The following SGCZ variants were observed in gnomAD, a reference collection of about 807,000 sequenced individuals.
SGCZ encodes zeta-sarcoglycan.
Under a neutral mutation model 41.3 loss-of-function variants are expected in SGCZ, and 40 were observed. The observed-to-expected ratio is 0.97, with a 90% confidence interval of 0.75 to 1.26. SGCZ has a LOEUF of 1.26. Among genes scored for constraint, SGCZ ranks in the 50% most tolerant of loss-of-function variants. The pLI is 0.00. For synonymous variants in SGCZ, 206 were observed against 137.5 expected, an observed-to-expected ratio of 1.50 and a Z score of -3.49; for missense variants, 552 against 369.8, an observed-to-expected ratio of 1.49 and a Z score of -4.04.
chr8:14,732,454 G>A (rs1444548754), intron 1 of SGCZ, among the ~76,000 whole-genome samples: 2 of 152,146 alleles, frequency 1.3e-5, no homozygotes, highest in African/African-American at 4.8e-5. Flanking sequence ...AAAAGAGAGT[G>A]GTGGGGAAAA....
At chr8:14,646,535 C>A (rs908262236) in intron 1 of SGCZ, among the ~76,000 whole-genome samples, 2 of 151,824 alleles carry the variant, frequency 1.3e-5, no homozygotes, top group African/African-American at 4.8e-5. Flanking sequence ...GAACATGTCT[C>A]CTTTGGTAGG....
At chr8:15,044,207 A>G (rs1445152916) in intron 1 of SGCZ, among the ~76,000 whole-genome samples, 1 of 152,166 alleles carries the variant, frequency 6.6e-6, no homozygotes, top group Non-Finnish European at 1.5e-5. Flanking sequence ...ATAGGCTACA[A>G]AACCTCACAC....
At chr8:14,264,306 T>A (rs967810253) in intron 3 of SGCZ, among the ~76,000 whole-genome samples, 1 of 152,086 alleles carries the variant, frequency 6.6e-6, no homozygotes, top group Non-Finnish European at 1.5e-5. Flanking sequence ...AAAGAAAACA[T>A]AGCCTTGGAG....
intron 1 of SGCZ, among the ~76,000 whole-genome samples, chr8:15,133,396 C>T (rs970828889): frequency 1.3e-5 from 2 of 152,130 alleles, no homozygotes; most frequent in African/African-American, 4.8e-5. Context: ...CAATATCCTC[C>T]CTATCTCTAC....
intron 1 of SGCZ, among the ~76,000 whole-genome samples, chr8:14,855,085 G>A (rs1803495778): frequency 6.6e-6 from 1 of 151,694 alleles, no homozygotes; most frequent in Admixed American, 6.6e-5. Flanking sequence ...ACGGAGTCTT[G>A]CTCTGTCACC....
At chr8:15,053,382 C>T (rs535191901) in intron 1 of SGCZ, among the ~76,000 whole-genome samples, 19 of 152,142 alleles carry the variant, frequency 1.2e-4, no homozygotes, top group African/African-American at 4.6e-4. Context: ...GACTTAGTTT[C>T]CTCTCCTCTT....
intron 4 of SGCZ, among the ~76,000 whole-genome samples, chr8:14,208,413 A>C (rs1027791507): frequency 6.6e-6 from 1 of 152,202 alleles, no homozygotes; most frequent in Non-Finnish European, 1.5e-5. Context: ...AAACATCCCA[A>C]ATGGAAGGTT....
At chr8:14,983,759 A>T (rs975003588) in intron 1 of SGCZ, among the ~76,000 whole-genome samples, 1 of 152,168 alleles carries the variant, frequency 6.6e-6, no homozygotes, top group African/African-American at 2.4e-5. Flanking sequence ...AAAACTAGAC[A>T]AGTAGCAAAG....
chr8:14,842,660 T>C (rs1802964903), intron 1 of SGCZ, among the ~76,000 whole-genome samples: 1 of 152,172 alleles, frequency 6.6e-6, no homozygotes, highest in African/African-American at 2.4e-5. Context: ...ATTGTTTTTA[T>C]CTTTATGTAA....
rs1803984151 is a variant in SGCZ at position 14,554,873 on chromosome 8, A to T, written c.93T>A (p.Thr31=). ...CCACTGGGTAAAGTTGTGCATTCTC[A>T]GTCCTTGGCAGGTTATTCTGTTGGG... is the stretch of plus-strand genomic sequence containing the variant. ...LATQQNNLPR[T]ENAQLYPVGI... Residue 31 remains threonine, a synonymous_variant, in exon 2 of 8, where the codon ACT becomes ACA. Transcript: ENST00000382080. The T allele has an allele frequency of 6.2e-7, 1 of 1,613,190 alleles. No homozygotes were observed. Among genetic ancestry groups the T allele is most frequent in the South Asian group, 1.1e-5 (1 of 91,044 alleles).
At chr8:14,708,603 A>T (rs1311567009) in intron 1 of SGCZ, among the ~76,000 whole-genome samples, 1 of 152,142 alleles carries the variant, frequency 6.6e-6, no homozygotes, top group Non-Finnish European at 1.5e-5. Context: ...GGCTCTCAGG[A>T]ATCAAACAGA....
intron 1 of SGCZ, among the ~76,000 whole-genome samples, chr8:14,784,913 A>AAAAAAAAAAAAAATAT (rs1408574493): frequency 1.1e-5 from 1 of 88,038 alleles, no homozygotes; most frequent in Non-Finnish European, 2.1e-5. Flanking sequence ...AAAAAAAAAA[A>AAAAAAAAAAAAAATAT]ATATATATAT....
chr8:14,260,926 A>G (rs1485083889), intron 3 of SGCZ, among the ~76,000 whole-genome samples: 1 of 152,164 alleles, frequency 6.6e-6, no homozygotes, highest in Admixed American at 6.5e-5. Flanking sequence ...GAAGGGGAAT[A>G]TCACACTCCA....
At chr8:14,483,305 C>T (rs11203615) in intron 2 of SGCZ, among the ~76,000 whole-genome samples, 137,733 of 152,252 alleles carry the variant, frequency 0.9, 63,658 homozygotes, top group East Asian at 1. Flanking sequence ...TGCAATGGTT[C>T]ATACTTGTAA....
chr8:14,106,381 C>G (rs1422243794), intron 6 of SGCZ, among the ~76,000 whole-genome samples: 1 of 152,196 alleles, frequency 6.6e-6, no homozygotes, highest in African/African-American at 2.4e-5. Flanking sequence ...ACTGCTGAAT[C>G]CCTAGGGTTT....
intron 5 of SGCZ, among the ~76,000 whole-genome samples, chr8:14,157,458 G>A (rs1803913005): frequency 6.7e-6 from 1 of 150,244 alleles, no homozygotes; most frequent in Admixed American, 6.7e-5. Flanking sequence ...CCCCATCATT[G>A]AGCATTTTTC....
Position 14,360,472 on chromosome 8 carries a change from C to T in SGCZ, c.235-36268G>A, listed in dbSNP as rs529380240. 9.2e-5 allele frequency among the ~76,000 whole-genome samples: 14 copies of T among 151,954 alleles called. 1 individual carries two copies. The South Asian group carries it at 1.5e-3, about 16-fold the overall frequency. Reference sequence around the variant, plus strand: ...TCCTGAGCAGCTGGGATTACAGGCACGCATCACCACACCCAGCTAATTTCT... The same window carrying T: ...TCCTGAGCAGCTGGGATTACAGGCATGCATCACCACACCCAGCTAATTTCT... On this transcript the variant is annotated intron_variant, in intron 2 of 7. Transcript: ENST00000382080.
Position 14,693,305 on chromosome 8 carries a change from T to TC in SGCZ, c.40-138380dup, listed in dbSNP as rs1554481943. Among the ~76,000 whole-genome samples the TC allele has an allele frequency of 1.1e-3, 168 of 151,382 alleles. 2 individuals are homozygous for TC. Among genetic ancestry groups the TC allele is most frequent in the East Asian group, 6.4e-3 (33 of 5,152 alleles). ...ATTAATTGAATACCTTTTTTTTTTT[T>TC]CCCCCAGATGAAATCTTGCTCTGTC... is the stretch of plus-strand genomic sequence containing the variant. On this transcript the variant is annotated intron_variant, in intron 1 of 7. Coordinates refer to ENST00000382080, the MANE Select transcript of SGCZ (RefSeq NM_139167.4).
At chr8:14,908,412 T>C (rs1253281681) in intron 1 of SGCZ, among the ~76,000 whole-genome samples, 2 of 152,200 alleles carry the variant, frequency 1.3e-5, no homozygotes, top group Non-Finnish European at 2.9e-5. Flanking sequence ...AGGGGTATAA[T>C]AAACAAAGAA....
Sources: allele counts gnomAD v4.1 joint callset (sites outside exome capture counted in the v4.1 genomes callset), GRCh38; gene constraint gnomAD v4.1.1; transcripts MANE v1.5; gene names NCBI Gene and HGNC (gene_info 2026-07-23, HGNC 2026-07-21).